PIEZO1: variants seen among roughly 807,000 people sequenced by gnomAD.
PIEZO1 encodes piezo type mechanosensitive ion channel component 1 (Er blood group).
PIEZO1 carries 296 observed loss-of-function variants against 297.2 expected under a neutral mutation model. The ratio of observed to expected loss-of-function variants is 1.00; its 90% CI spans 0.91 to 1.10. The LOEUF is 1.10. PIEZO1 is among the 50% of genes least tolerant of loss of function. PIEZO1 has a pLI of 0.00. For synonymous variants in PIEZO1, 2,427 were observed against 1,507.5 expected (o/e 1.61, Z -14.13); for missense variants, 5,018 against 3,455.5 (o/e 1.45, Z -11.34).
rs115256545 is a variant in PIEZO1, at chr16:88,752,180, C to T, written c.65-2701G>A. ...CGCTGCTGACCTGTGCCCTTCAATGCGGCTAACGTGACAAACTTTAGGCCG... is the reference window on the plus strand; with the variant it reads ...CGCTGCTGACCTGTGCCCTTCAATGTGGCTAACGTGACAAACTTTAGGCCG... On this transcript the variant is annotated intron_variant, in intron 1 of 50. Coordinates refer to ENST00000301015, the MANE Select transcript of PIEZO1 (RefSeq NM_001142864.4). 8.4e-3 allele frequency among the ~76,000 whole-genome samples: 1,278 copies of T among 152,318 alleles called. 20 individuals are homozygous for T. The highest frequency in any genetic ancestry group is 0.028 in the African/African-American group (1,180 of 41,568).
intron 29 of PIEZO1, 58 bp from the exon 30 acceptor site, chr16:88,725,138 C>A: frequency 1.6e-6 from 2 of 1,214,950 alleles, no homozygotes; most frequent in Non-Finnish European, 2.3e-6. Flanking sequence ...GGGGTCGGGG[C>A]TGTGAGTGCT....
intron 2 of PIEZO1, among the ~76,000 whole-genome samples, chr16:88,748,206 G>A (rs1181419985): frequency 6.6e-6 from 1 of 152,248 alleles, no homozygotes; most frequent in Non-Finnish European, 1.5e-5. Flanking sequence ...AAAGACCAGC[G>A]GAGGGCCCGG....
In PIEZO1 at chr16:88,720,273, G is replaced by A. The variant is rs1432720620; in HGVS notation, c.5960C>T (p.Ala1987Val). 1.4e-5 allele frequency: 21 copies of A among 1,550,232 alleles called. No homozygotes were observed. The highest frequency in any genetic ancestry group is 3.6e-5 in the South Asian group (3 of 84,060). ...TAGGGAGGACGTGATGTCTGTGGCC[G>A]CCGAGTGCTTCTGTGGCCAGGAGAG... ...FGFWAFGKHS[A>V]ATDITSSLSD... is the part of the protein sequence containing the mutation. The change falls in exon 42 of 51, where the codon GCG (alanine) becomes GTG (valine). Residue 1987 changes from alanine (A) to valine (V), a missense_variant. Physicochemically the swap from Ala to Val is moderately conservative, Grantham distance 64. Transcript: ENST00000301015.
chr16:88,726,174 T>G (rs1392680990), intron 27 of PIEZO1, 110 bp downstream of exon 27: 3 of 857,548 alleles, frequency 3.5e-6, no homozygotes, highest in East Asian at 2.7e-5. Context: ...TGTCACAGAG[T>G]GGCAGAGCCT....
At position 88,738,033 on chromosome 16, in the gene PIEZO1, G is replaced by C. The variant is rs1905365984; in HGVS notation, c.921C>G (p.Gly307=). 6.5e-7 allele frequency: 1 copy of C among 1,535,654 alleles called. No homozygotes were observed. Among genetic ancestry groups the C allele is most frequent in the African/African-American group, 1.4e-5 (1 of 73,046 alleles). ...GGCTGGCATACACAGGCCAGTCCAG[G>C]CCGGTGTTGAGGACCAGCGCGTGGG... ...SSPHALVLNT[G]LDWPVYASPG... Residue 307 remains glycine, a synonymous_variant, in exon 8 of 51, where the codon GGC becomes GGG. Coordinates refer to ENST00000301015, the MANE Select transcript of PIEZO1 (RefSeq NM_001142864.4).
At chr16:88,716,312 A>G (rs749571599) in intron 48 of PIEZO1, 35 bp from the exon 49 acceptor site, 2 of 1,496,068 alleles carry the variant, frequency 1.3e-6, no homozygotes, top group East Asian at 5.0e-5. Context: ...GGCCTGGCCC[A>G]GCCAACCTGG....
chr16:88,747,281 C>G (rs1422907787), intron 2 of PIEZO1, among the ~76,000 whole-genome samples: 1 of 151,306 alleles, frequency 6.6e-6, no homozygotes. Flanking sequence ...TAGTCTCGGC[C>G]GAGGTGGGCA....
chr16:88,777,181 C>T (rs770393550), intron 1 of PIEZO1, among the ~76,000 whole-genome samples: 2 of 152,238 alleles, frequency 1.3e-5, no homozygotes, highest in East Asian at 3.8e-4. Context: ...CCATGTTGGC[C>T]AGGCTGGTCT....
At chr16:88,728,113 A>G (rs998303515) in intron 22 of PIEZO1, among the ~76,000 whole-genome samples, 1 of 152,256 alleles carries the variant, frequency 6.6e-6, no homozygotes, top group African/African-American at 2.4e-5. Context: ...GACAGACCTC[A>G]GTGTGCTCTG....
chr16:88,757,338 T>G (rs1433901645), intron 1 of PIEZO1, among the ~76,000 whole-genome samples: 2 of 135,274 alleles, frequency 1.5e-5, no homozygotes, highest in African/African-American at 5.4e-5. Context: ...GGGGGGTAGT[T>G]ACCTAACCTG....
At chr16:88,765,766 TG>T (rs1907148701) in intron 1 of PIEZO1, among the ~76,000 whole-genome samples, 1 of 150,432 alleles carries the variant, frequency 6.6e-6, no homozygotes, top group South Asian at 2.1e-4. Context: ...CTCTACCTCC[TG>T]GGTTCAAGCG....
Position 88,784,904 on chromosome 16 carries a change from C to T in PIEZO1, c.61G>A (p.Ala21Thr). The change falls in exon 1 of 51, where the codon GCT becomes ACT. Residue 21 changes from alanine to threonine, a missense_variant. Ala to Thr is a moderately conservative substitution (Grantham distance 58). Coordinates refer to ENST00000301015, the MANE Select transcript of PIEZO1 (RefSeq NM_001142864.4). ...CAGGCGCCCGCCCCCCACTCACCAG[C>T]CAGCAGCGCGCAGGGCAGCAGCAGC... ...YWLLLPCALL[A>T]ACLLRFSGLS... is the part of the protein sequence containing the mutation. 5 of 1,437,346 alleles carry T rather than the reference C, an allele frequency of 3.5e-6. No homozygotes were observed. Among genetic ancestry groups the T allele is most frequent in the Non-Finnish European group, 4.6e-6 (5 of 1,093,446 alleles). 89.0% of individuals were successfully genotyped at this position (1,437,346 alleles called of 1,614,324 possible).
Position 88,723,956 on chromosome 16 carries a change from T to G in PIEZO1, c.4250A>C (p.Asp1417Ala). The change falls in exon 31 of 51, where the codon GAC becomes GCC. Residue 1417 changes from aspartate (D) to alanine (A), a missense_variant. Asp to Ala is a moderately radical substitution (Grantham distance 126, BLOSUM62 -2). Coordinates refer to ENST00000301015, the MANE Select transcript of PIEZO1 (RefSeq NM_001142864.4). ...ACTGTCGGACTCAAACAGGAAGTAG[T>G]CCCCGGAGTGGATGACTGTGGGCAG... ...LDHATVIHSGDYFLFESDSEE... is the reference protein window; with the variant it reads ...LDHATVIHSGAYFLFESDSEE... 3 of 1,547,140 alleles carry G rather than the reference T, an allele frequency of 1.9e-6. No individual in the cohort carries two copies. Among genetic ancestry groups the G allele is most frequent in the East Asian group, 2.4e-5 (1 of 40,896 alleles).
intron 2 of PIEZO1, chr16:88,744,126 C>T (rs1378361072): frequency 1.2e-5 from 2 of 167,034 alleles, no homozygotes; most frequent in Non-Finnish European, 2.6e-5. Flanking sequence ...AGCAGGAGGG[C>T]ACCAGCCAGG....
Position 88,719,886 on chromosome 16 carries a change from T to C in PIEZO1, c.6239A>G (p.Gln2080Arg), listed in dbSNP as rs1912305850. Residue 2080 changes from glutamine to arginine, a missense_variant, in exon 43 of 51, where the codon CAG becomes CGG. Gln to Arg is a conservative substitution (Grantham distance 43, BLOSUM62 1). Transcript: ENST00000301015. ...GCGGGTGGGGTAGCCGCAGCGGATC[T>C]GGTAGGCGGACAGGGCGAAGTAGAT... ...KCIYFALSAY[Q>R]IRCGYPTRIL... 2 of 1,550,526 alleles carry C rather than the reference T, an allele frequency of 1.3e-6. No individual in the cohort carries two copies. Among genetic ancestry groups the C allele is most frequent in the Non-Finnish European group, 8.7e-7 (1 of 1,146,944 alleles).
intron 22 of PIEZO1, among the ~76,000 whole-genome samples, chr16:88,728,378 G>A (rs1037908165): frequency 1.3e-5 from 2 of 152,160 alleles, no homozygotes; most frequent in South Asian, 2.1e-4. Flanking sequence ...GGAACCTCGC[G>A]ACACAAAAAC....
In PIEZO1 at chr16:88,732,700, C is replaced by A. The variant is rs973943297; in HGVS notation, c.2697G>T (p.Thr899=). The change falls in exon 20 of 51, where the codon ACG becomes ACT. Residue 899 remains threonine, a synonymous_variant. Coordinates refer to ENST00000301015, the MANE Select transcript of PIEZO1 (RefSeq NM_001142864.4). ...GGTACAGCAGGGACTGGCTGATCTCCGTGGGCAGCAAGTTGGTGCTGTTGG... is the reference window on the plus strand; with the variant it reads ...GGTACAGCAGGGACTGGCTGATCTCAGTGGGCAGCAAGTTGGTGCTGTTGG... ...PFPNSTNLLP[T]EISQSLLYRG... is the part of the protein sequence containing the mutation. The A allele has an allele frequency of 1.3e-5, 20 of 1,549,024 alleles. No homozygotes were observed. The highest frequency in any genetic ancestry group is 1.7e-4 in the Middle Eastern group (1 of 5,924).
At chr16:88,759,545 AG>A (rs1486580262) in intron 1 of PIEZO1, among the ~76,000 whole-genome samples, 1 of 152,150 alleles carries the variant, frequency 6.6e-6, no homozygotes, top group Non-Finnish European at 1.5e-5. Context: ...GGCCGGGCAG[AG>A]GAAGAGAGGA....
Position 88,726,830 on chromosome 16 carries a change from T to C in PIEZO1, c.3584A>G (p.Tyr1195Cys), listed in dbSNP as rs1464924442. Reference sequence around the variant, plus strand: ...CAGGGCCGTGCCGAAGAGCAGCAGGTAGAAGCAGGCCAGCAGGTAGCCCAG... The same window carrying C: ...CAGGGCCGTGCCGAAGAGCAGCAGGCAGAAGCAGGCCAGCAGGTAGCCCAG... ...FGLGYLLACF[Y>C]LLLFGTALLQ... Residue 1195 changes from tyrosine (Y) to cysteine (C), a missense_variant, in exon 25 of 51, where the codon TAC becomes TGC. Physicochemically the swap from Tyr to Cys is radical, Grantham distance 194. Coordinates refer to ENST00000301015, the MANE Select transcript of PIEZO1 (RefSeq NM_001142864.4). 2.6e-6 allele frequency: 4 copies of C among 1,550,174 alleles called. No homozygotes were observed. The highest frequency in any genetic ancestry group is 1.7e-4 in the Middle Eastern group (1 of 5,992).
Sources: allele counts gnomAD v4.1 joint callset (sites outside exome capture counted in the v4.1 genomes callset), GRCh38; gene constraint gnomAD v4.1.1; transcripts MANE v1.5; gene names NCBI Gene and HGNC (gene_info 2026-07-23, HGNC 2026-07-21).